Variants in RIMBP2 observed in about 807,000 individuals in gnomAD.
RIMBP2 encodes RIMS-binding protein 2.
In RIMBP2, 48 loss-of-function variants were observed where a neutral mutation model predicts 118.6. The ratio of observed to expected loss-of-function variants is 0.40; its 90% CI spans 0.32 to 0.51. The LOEUF (loss-of-function observed/expected upper bound fraction) is 0.51. Ranked by LOEUF, RIMBP2 falls within the 20% of genes least tolerant of loss-of-function variation. The pLI is 0.41. For synonymous variants in RIMBP2, 762 were observed against 742.9 expected (o/e 1.03, Z -0.42); for missense variants, 1,551 against 1,768.3 (o/e 0.88, Z 2.20).
intron 1 of RIMBP2, among the ~76,000 whole-genome samples, chr12:130,715,755 T>TCCCCC: frequency 7.5e-6 from 1 of 133,904 alleles, no homozygotes; most frequent in African/African-American, 2.5e-5. Context: ...CACGTCCCCT[T>TCCCCC]CCCCCCCTCC....
chr12:130,428,520 C>G (rs1314459906), intron 14 of RIMBP2, 183 bp from the exon 15 acceptor site: 2 of 547,536 alleles, frequency 3.7e-6, no homozygotes, highest in Non-Finnish European at 3.1e-6. Flanking sequence ...CACACCCACT[C>G]TCTCTGTTGA....
intron 1 of RIMBP2, among the ~76,000 whole-genome samples, chr12:130,693,037 A>G (rs2065399926): frequency 6.6e-6 from 1 of 152,112 alleles, no homozygotes; most frequent in African/African-American, 2.4e-5. Context: ...TTTTACAGAC[A>G]AGAAAACTGA....
intron 2 of RIMBP2, among the ~76,000 whole-genome samples, chr12:130,544,425 G>A (rs2054908768): frequency 6.6e-6 from 1 of 152,066 alleles, no homozygotes; most frequent in African/African-American, 2.4e-5. Context: ...CAGTAAGCAG[G>A]ACAACCAGCA....
chr12:130,704,558 G>A (rs1455555943), intron 1 of RIMBP2, among the ~76,000 whole-genome samples: 1 of 152,102 alleles, frequency 6.6e-6, no homozygotes, highest in African/African-American at 2.4e-5. Context: ...CTGGGCAACA[G>A]AGCCAGACTC....
At chr12:130,562,966 G>A (rs146405903) in intron 2 of RIMBP2, among the ~76,000 whole-genome samples, 94 of 152,332 alleles carry the variant, frequency 6.2e-4, no homozygotes, top group Admixed American at 1.8e-3. Flanking sequence ...CTCTGACAGC[G>A]TAGCTTGGTA....
Position 130,621,700 on chromosome 12 carries a change from A to G in RIMBP2, c.-217+6622T>C, listed in dbSNP as rs2061322889. 6.6e-6 allele frequency among the ~76,000 whole-genome samples: 1 copy of G among 152,210 alleles called. No homozygotes were observed. Among genetic ancestry groups the G allele is most frequent in the Non-Finnish European group, 1.5e-5 (1 of 68,044 alleles). ...TGACATCCCAGGGCCCGAGTTTACC[A>G]AGAGACACGAGTGAAATGGATGATA... On this transcript the variant is annotated intron_variant, in intron 2 of 22. Coordinates refer to ENST00000690449, the MANE Select transcript of RIMBP2 (RefSeq NM_001393629.1). This position sits in a 1 kb window ranked among gnomAD's most constrained non-coding sequence, Gnocchi z 6.6.
chr12:130,601,930 A>C (rs1369704295), intron 2 of RIMBP2, among the ~76,000 whole-genome samples: 1 of 152,226 alleles, frequency 6.6e-6, no homozygotes, highest in African/African-American at 2.4e-5. Flanking sequence ...GAGAAGGAAT[A>C]AAGGGACAGC....
chr12:130,641,747 G>A lies in RIMBP2; in HGVS notation c.-351-13291C>T, dbSNP rs371643671. Among the ~76,000 whole-genome samples, 13 of 152,244 alleles carry A rather than the reference G, an allele frequency of 8.5e-5. No homozygotes were observed. In the East Asian group the frequency reaches 2.5e-3, roughly 30 times the overall value. On this transcript the variant is annotated intron_variant, in intron 1 of 22. Transcript: ENST00000690449. Reference sequence around the variant, plus strand: ...CTCCGGGAAAATGAGTCAGCCTCAGGGCACCTCATGCCCCTTATGCTTGGC... The same window carrying A: ...CTCCGGGAAAATGAGTCAGCCTCAGAGCACCTCATGCCCCTTATGCTTGGC...
At chr12:130,462,482 G>C (rs1166822933) in intron 6 of RIMBP2, among the ~76,000 whole-genome samples, 1 of 152,196 alleles carries the variant, frequency 6.6e-6, no homozygotes, top group African/African-American at 2.4e-5. Flanking sequence ...TAAGGGATGG[G>C]AGAAACGGGC....
At chr12:130,543,215 T>C (rs752500683) in intron 2 of RIMBP2, among the ~76,000 whole-genome samples, 3 of 152,234 alleles carry the variant, frequency 2.0e-5, no homozygotes, top group Admixed American at 6.5e-5. Context: ...AACATCAGCA[T>C]TAGCATTCTT....
At position 130,419,430 on chromosome 12, in the gene RIMBP2, G is replaced by A. The variant is rs1273145924; in HGVS notation, c.3238+3023C>T. 1 of 152,216 alleles carries A rather than the reference G, an allele frequency of 6.6e-6. No individual in the cohort carries two copies. The highest frequency in any genetic ancestry group is 1.5e-5 in the Non-Finnish European group (1 of 68,076). The allele number at this position is 152,216 out of a possible 1,614,324, so 9.4% of individuals were successfully genotyped here. On this transcript the variant is annotated intron_variant, in intron 17 of 22. Transcript: ENST00000690449. This position sits in a 1 kb window ranked among gnomAD's most constrained non-coding sequence, Gnocchi z 4.3. ...AAGCACCGTCTTCTACAGGAGAGAG[G>A]TTTCCCTCACTACCTGGCCCAGACC...
chr12:130,461,638 G>T (rs1180243721), intron 6 of RIMBP2, among the ~76,000 whole-genome samples: 1 of 152,132 alleles, frequency 6.6e-6, no homozygotes, highest in African/African-American at 2.4e-5. Context: ...CCTGGGGGTG[G>T]ATCCCTCATG....
chr12:130,566,154 GT>G (rs1485447944), intron 2 of RIMBP2, among the ~76,000 whole-genome samples: 1 of 151,038 alleles, frequency 6.6e-6, no homozygotes, highest in African/African-American at 2.4e-5. Flanking sequence ...TTTTAAATTT[GT>G]TGCCAATTTA....
At chr12:130,425,811 G>GAGCC (rs1201368695) in intron 15 of RIMBP2, 1 of 152,330 alleles carries the variant, frequency 6.6e-6, no homozygotes, top group African/African-American at 2.4e-5. Context: ...CAGTAGAGAT[G>GAGCC]AGCCACATGG....
intron 1 of RIMBP2, among the ~76,000 whole-genome samples, chr12:130,641,326 G>A (rs112650895): frequency 4.1e-5 from 6 of 147,962 alleles, no homozygotes; most frequent in Middle Eastern, 3.5e-3. Flanking sequence ...CCGGCATCAC[G>A]GGCTGGATTT....
chr12:130,490,365 A>G (rs1018641240), intron 4 of RIMBP2, among the ~76,000 whole-genome samples: 4 of 152,130 alleles, frequency 2.6e-5, no homozygotes, highest in Non-Finnish European at 4.4e-5. Flanking sequence ...TTACTTATCT[A>G]CAATTTAGCT....
chr12:130,646,777 T>C (rs1328888142), intron 1 of RIMBP2, among the ~76,000 whole-genome samples: 1 of 152,258 alleles, frequency 6.6e-6, no homozygotes, highest in African/African-American at 2.4e-5. Context: ...AATGATTTAT[T>C]GCAGGTCGCA....
chr12:130,618,412 G>A (rs1462544615), intron 2 of RIMBP2, among the ~76,000 whole-genome samples: 5 of 152,072 alleles, frequency 3.3e-5, no homozygotes, highest in Non-Finnish European at 5.9e-5. Context: ...TCCAAGGAGC[G>A]AGCCCCACAG....
chr12:130,542,179 G>C (rs1176205427), intron 2 of RIMBP2, among the ~76,000 whole-genome samples: 1 of 152,212 alleles, frequency 6.6e-6, no homozygotes, highest in Non-Finnish European at 1.5e-5. Context: ...TGCTGGCTAG[G>C]AAATTTTAGA....
Sources: gnomAD v4.1 joint callset for allele counts (sites outside exome capture counted in the v4.1 genomes callset) on GRCh38, gnomAD v4.1.1 for gene constraint, Gnocchi (gnomAD v3.1) non-coding constraint, MANE v1.5 for transcripts, NCBI Gene and HGNC (gene_info 2026-07-23, HGNC 2026-07-21) for gene names.